The following PIP4K2A variants were observed in gnomAD, a reference collection of about 807,000 sequenced individuals.
PIP4K2A encodes phosphatidylinositol-5-phosphate 4-kinase type 2 alpha, also known as phosphatidylinositol 5-phosphate 4-kinase type-2 alpha.
Under a neutral mutation model 42.9 loss-of-function variants are expected in PIP4K2A, and 14 were observed. The observed-to-expected ratio is 0.33, with a 90% CI of 0.22 to 0.51. The LOEUF (loss-of-function observed/expected upper bound fraction) is 0.51. PIP4K2A is among the 20% of genes least tolerant of loss of function. PIP4K2A has a pLI of 0.97. For missense variants in PIP4K2A, 434 were observed against 519.8 expected (o/e 0.83, Z 1.61); for synonymous variants, 192 against 192.2 (o/e 1.00, Z 0.01).
chr10:22,608,166 A>T, intron 2 of PIP4K2A, 143 bp from the exon 3 acceptor site: 2 of 555,110 alleles, frequency 3.6e-6, no homozygotes, highest in South Asian at 5.2e-5. Context: ...AGAACCAGGT[A>T]CAACCCGCAG....
intron 1 of PIP4K2A, among the ~76,000 whole-genome samples, chr10:22,664,065 A>ATATATACACG (rs1839266491): frequency 1.2e-5 from 1 of 86,410 alleles, no homozygotes; most frequent in African/African-American, 7.9e-5. Context: ...ATATATACAT[A>ATATATACACG]TATATATATA....
In PIP4K2A at chr10:22,539,898, A is replaced by G. The variant is rs561759210; in HGVS notation, c.1140+73T>C. 8.8e-6 allele frequency: 6 copies of G among 685,294 alleles called. No homozygotes were observed. In the African/African-American group the frequency reaches 1.6e-4, roughly 18 times the overall value. The allele number at this position is 685,294 out of a possible 1,614,324, so 42.5% of individuals were successfully genotyped here. On this transcript the variant is annotated intron_variant, in intron 9 of 9. Coordinates refer to ENST00000376573, the MANE Select transcript of PIP4K2A (RefSeq NM_005028.5). ...CACAGAGGAGCCAGGAGAGAGAGAG[A>G]GAGAGAGAGAGAGGGAGAGAGAGAG... is the stretch of plus-strand genomic sequence containing the variant.
intron 3 of PIP4K2A, among the ~76,000 whole-genome samples, chr10:22,595,234 T>C (rs1264583419): frequency 1.3e-5 from 2 of 152,128 alleles, no homozygotes; most frequent in East Asian, 3.9e-4. Context: ...CTAGATCCAT[T>C]TTTCCCACCT....
In PIP4K2A at chr10:22,604,332, G is replaced by A. The variant is rs527925995; in HGVS notation, c.339+3595C>T. Among the ~76,000 whole-genome samples the A allele has an allele frequency of 7.9e-5, 12 of 152,030 alleles. No homozygotes were observed. The East Asian group carries it at 2.3e-3, about 29-fold the overall frequency. On this transcript the variant is annotated intron_variant, in intron 3 of 9. Transcript: ENST00000376573. ...ACCATGCTCTGCTTTAATCAGAGTG[G>A]TCTCCACAGACCAATACCTACTTTT...
intron 1 of PIP4K2A, among the ~76,000 whole-genome samples, chr10:22,643,870 C>T (rs1838829065): frequency 6.6e-6 from 1 of 152,116 alleles, no homozygotes; most frequent in Non-Finnish European, 1.5e-5. Flanking sequence ...CATCACATTA[C>T]ACCACGCCTC....
chr10:22,639,667 C>T (rs1838737503), intron 1 of PIP4K2A, among the ~76,000 whole-genome samples: 2 of 151,988 alleles, frequency 1.3e-5, no homozygotes, highest in African/African-American at 4.8e-5. Flanking sequence ...AACTAAAATC[C>T]CTATGTGAAC....
chr10:22,685,538 C>T (rs1839747527), intron 1 of PIP4K2A, among the ~76,000 whole-genome samples: 1 of 148,454 alleles, frequency 6.7e-6, no homozygotes, highest in Non-Finnish European at 1.5e-5. Context: ...CTATAAAAAA[C>T]AAACAAACAA....
chr10:22,649,796 G>C (rs1221839230), intron 1 of PIP4K2A, among the ~76,000 whole-genome samples: 1 of 152,180 alleles, frequency 6.6e-6, no homozygotes, highest in Non-Finnish European at 1.5e-5. Flanking sequence ...ACACAGCACA[G>C]GCAGGTGGAA....
chr10:22,547,720 T>C (rs1836292296), intron 7 of PIP4K2A, among the ~76,000 whole-genome samples: 1 of 152,096 alleles, frequency 6.6e-6, no homozygotes, highest in African/African-American at 2.4e-5. Context: ...GAGACCAGGG[T>C]TGATTCTTCA....
chr10:22,619,779 T>A (rs1588667946), intron 1 of PIP4K2A, among the ~76,000 whole-genome samples: 1 of 152,214 alleles, frequency 6.6e-6, no homozygotes, highest in Admixed American at 6.5e-5. Flanking sequence ...TTGATGTCTA[T>A]CTGCAGATAA....
chr10:22,616,468 A>G (rs1010824939), intron 1 of PIP4K2A, among the ~76,000 whole-genome samples: 2 of 152,196 alleles, frequency 1.3e-5, no homozygotes, highest in African/African-American at 4.8e-5. Flanking sequence ...CCAAGCTATT[A>G]AACAGTAGAG....
At chr10:22,631,560 T>C (rs1031074229) in intron 1 of PIP4K2A, among the ~76,000 whole-genome samples, 1 of 152,086 alleles carries the variant, frequency 6.6e-6, no homozygotes, top group African/African-American at 2.4e-5. Context: ...ATTTAAGCCG[T>C]CCAACTGATG....
intron 1 of PIP4K2A, among the ~76,000 whole-genome samples, chr10:22,683,942 T>A (rs1203382978): frequency 6.6e-6 from 1 of 152,038 alleles, no homozygotes; most frequent in Non-Finnish European, 1.5e-5. Context: ...AGCGCTTCCT[T>A]GCCCGGAACG....
Position 22,561,565 on chromosome 10 carries a change from G to GTTTTTTTTTTTTTTTTTTTTTTTTTTTTT in PIP4K2A, c.678+6285_678+6286insAAAAAAAAAAAAAAAAAAAAAAAAAAAAA, listed in dbSNP as rs71394001. 1.2e-4 allele frequency among the ~76,000 whole-genome samples: 14 copies of GTTTTTTTTTTTTTTTTTTTTTTTTTTTTT among 113,500 alleles called. 6 individuals are homozygous for GTTTTTTTTTTTTTTTTTTTTTTTTTTTTT. Among genetic ancestry groups the GTTTTTTTTTTTTTTTTTTTTTTTTTTTTT allele is most frequent in the Admixed American group, 2.0e-4 (2 of 10,078 alleles). The allele number at this position is 113,500 out of a possible 152,430, so 74.5% of individuals were successfully genotyped here. On this transcript the variant is annotated intron_variant, in intron 6 of 9. Coordinates refer to ENST00000376573, the MANE Select transcript of PIP4K2A (RefSeq NM_005028.5). The stretch of plus-strand genomic sequence containing the variant: ...TATGTCACCAGAGATTCTCTACGCA[G>GTTTTTTTTTTTTTTTTTTTTTTTTTTTTT]TTTTTTTTTTTTTTTTTTTTTTTTT...
intron 1 of PIP4K2A, among the ~76,000 whole-genome samples, chr10:22,702,886 G>A (rs1036610579): frequency 1.3e-5 from 2 of 152,146 alleles, no homozygotes; most frequent in East Asian, 3.8e-4. Context: ...GATACACCTA[G>A]TAAATAGGAA....
intron 4 of PIP4K2A, among the ~76,000 whole-genome samples, chr10:22,577,700 G>C (rs1837156825): frequency 6.6e-6 from 1 of 152,330 alleles, no homozygotes; most frequent in East Asian, 1.9e-4. Flanking sequence ...GGTCTCTCCA[G>C]TCACACTGCG....
intron 1 of PIP4K2A, among the ~76,000 whole-genome samples, chr10:22,620,202 T>C (rs1023688953): frequency 2.0e-5 from 3 of 152,224 alleles, no homozygotes; most frequent in African/African-American, 7.2e-5. Flanking sequence ...GCTGGCCCAC[T>C]GTCAACTTCA....
intron 1 of PIP4K2A, among the ~76,000 whole-genome samples, chr10:22,706,411 C>T (rs1267559661): frequency 3.3e-5 from 5 of 152,210 alleles, no homozygotes; most frequent in Non-Finnish European, 1.5e-5. Context: ...CAAACACCAG[C>T]CTCACGGCCT....
At chr10:22,690,621 G>C (rs535902736) in intron 1 of PIP4K2A, among the ~76,000 whole-genome samples, 19 of 152,250 alleles carry the variant, frequency 1.2e-4, no homozygotes, top group South Asian at 4.1e-4. Context: ...AAGAAGGGGA[G>C]GAAAAACCCT....
Sources: allele counts gnomAD v4.1 joint callset (sites outside exome capture counted in the v4.1 genomes callset), GRCh38; gene constraint gnomAD v4.1.1; transcripts MANE v1.5; gene names NCBI Gene and HGNC (gene_info 2026-07-23, HGNC 2026-07-21).